The following KDELR2 variants were observed in gnomAD, a reference collection of about 807,000 sequenced individuals.
The protein encoded by KDELR2 is KDEL endoplasmic reticulum protein retention receptor 2.
A neutral mutation model predicts 23.9 loss-of-function variants in KDELR2; 15 were observed. That is an observed-to-expected ratio of 0.63 (90% CI 0.42 to 0.97). The LOEUF is 0.97. Among genes scored for constraint, KDELR2 ranks in the 50% least tolerant of loss-of-function variants. The pLI is 0.00. For synonymous variants in KDELR2, 119 were observed against 106.2 expected, an observed-to-expected ratio of 1.12 and a Z score of -0.74; for missense variants, 272 against 254.6, an observed-to-expected ratio of 1.07 and a Z score of -0.46.
At chr7:6,467,348 G>C (rs1785523660) in intron 3 of KDELR2, among the ~76,000 whole-genome samples, 1 of 152,104 alleles carries the variant, frequency 6.6e-6, no homozygotes, top group African/African-American at 2.4e-5. Flanking sequence ...AAGCTTTCTG[G>C]TGTGGTTAAA....
At chr7:6,475,853 G>A (rs1785738699) in intron 1 of KDELR2, among the ~76,000 whole-genome samples, 1 of 152,204 alleles carries the variant, frequency 6.6e-6, no homozygotes. Context: ...GAATTTAACA[G>A]AAAAGTCACT....
At chr7:6,475,049 G>A (rs1196438426) in intron 1 of KDELR2, among the ~76,000 whole-genome samples, 1 of 152,196 alleles carries the variant, frequency 6.6e-6, no homozygotes, top group African/African-American at 2.4e-5. Flanking sequence ...ACCGACTCAG[G>A]TAAGAGTTGG....
intron 3 of KDELR2, among the ~76,000 whole-genome samples, chr7:6,468,785 T>C (rs1785559875): frequency 6.6e-6 from 1 of 151,938 alleles, no homozygotes; most frequent in South Asian, 2.1e-4. Flanking sequence ...ATTACAGGCG[T>C]GAGCCACTGC....
At chr7:6,463,825 C>T (rs1388203617) in intron 4 of KDELR2, among the ~76,000 whole-genome samples, 1 of 151,024 alleles carries the variant, frequency 6.6e-6, no homozygotes, top group African/African-American at 2.4e-5. Context: ...CTGTGGGAGG[C>T]AGAGGTGGGC....
rs541365200 is a variant in KDELR2 at position 6,470,627 on chromosome 7, G to A, written c.193-873C>T. ...CCACAATAAACAATGTAGTACAAAA[G>A]CACTCAGTGAGCCTGCTATATTTGT... On this transcript the variant is annotated intron_variant, in intron 2 of 4. Transcript: ENST00000258739. Among the ~76,000 whole-genome samples the A allele has an allele frequency of 1.8e-4, 28 of 152,216 alleles. 1 individual carries two copies. The highest frequency in any genetic ancestry group is 1.7e-3 in the Admixed American group (26 of 15,284).
intron 2 of KDELR2, 114 bp from the exon 3 acceptor site, chr7:6,469,868 G>GT: frequency 1.1e-6 from 1 of 912,298 alleles, no homozygotes; most frequent in Non-Finnish European, 1.6e-6. Context: ...CCTTAGCTTT[G>GT]TTTTTGGAAT....
In KDELR2 at chr7:6,466,305, T is replaced by C; in HGVS notation, c.370A>G (p.Ile124Val). The change falls in exon 4 of 5, where the codon ATC (isoleucine) becomes GTC (valine). Residue 124 changes from isoleucine (I) to valine (V), a missense_variant. By Grantham distance (29) the Ile-to-Val change is conservative. Transcript: ENST00000258739. ...AGGATAGCCACGGACTCCAGGTAGA[T>C]GGAGAAGGTCCAGAGGATCTGGAAG... ...SPLEILWTFSIYLESVAILPQ... is the reference protein window; with the variant it reads ...SPLEILWTFSVYLESVAILPQ... 1 of 1,613,800 alleles carries C rather than the reference T, an allele frequency of 6.2e-7. No individual in the cohort carries two copies. The highest frequency in any genetic ancestry group is 8.5e-7 in the Non-Finnish European group (1 of 1,179,984).
intron 3 of KDELR2, among the ~76,000 whole-genome samples, chr7:6,467,188 C>T (rs890917608): frequency 3.3e-5 from 5 of 152,174 alleles, no homozygotes; most frequent in African/African-American, 1.2e-4. Flanking sequence ...TGTCCTGCTC[C>T]AGATCTGGGA....
intron 4 of KDELR2, among the ~76,000 whole-genome samples, chr7:6,464,390 G>T (rs1221982024): frequency 6.6e-6 from 1 of 151,616 alleles, no homozygotes; most frequent in Non-Finnish European, 1.5e-5. Flanking sequence ...GTGGTGGTGC[G>T]CACCTGTAAT....
chr7:6,480,781 T>C (rs1238974930), intron 1 of KDELR2, among the ~76,000 whole-genome samples: 1 of 152,220 alleles, frequency 6.6e-6, no homozygotes, highest in Non-Finnish European at 1.5e-5. Flanking sequence ...TTCAAAAGAC[T>C]CTAAACAACT....
At chr7:6,478,939 C>T (rs542505517) in intron 1 of KDELR2, among the ~76,000 whole-genome samples, 1 of 152,120 alleles carries the variant, frequency 6.6e-6, no homozygotes, top group South Asian at 2.1e-4. Flanking sequence ...CAGGTGCCTG[C>T]CACCACGCCC....
At chr7:6,464,502 G>C (rs1402791227) in intron 4 of KDELR2, among the ~76,000 whole-genome samples, 1 of 152,010 alleles carries the variant, frequency 6.6e-6, no homozygotes, top group African/African-American at 2.4e-5. Flanking sequence ...CTGTGTGACA[G>C]AGCAAGACTC....
rs1379292835 is a variant in KDELR2, at chr7:6,474,282, T to C, written c.94A>G (p.Ile32Val). Residue 32 changes from isoleucine (I) to valine (V), a missense_variant and splice_region_variant, in exon 2 of 5, where the codon ATT becomes GTT. Ile to Val is a conservative substitution (Grantham distance 29). Coordinates refer to ENST00000258739, the MANE Select transcript of KDELR2 (RefSeq NM_006854.4). ...AACAGAAGCTGGCTTTTCCCAGAAA[T>C]ACCTAGAGAAACAGAAGGGAAGTAT... ...KIWKTRSCAG[I>V]SGKSQLLFAL... 1.9e-6 allele frequency: 3 copies of C among 1,607,022 alleles called. No individual in the cohort carries two copies. Among genetic ancestry groups the C allele is most frequent in the Non-Finnish European group, 2.6e-6 (3 of 1,173,756 alleles).
At position 6,483,853 on chromosome 7, in the gene KDELR2, G is replaced by C. The variant is rs1207801004; in HGVS notation, c.91+114C>G. ...GGGCACCCGTTAGGCCGGCCGAGGG[G>C]GTGTGTCGGGCCGGCGCAGGCCCCG... On this transcript the variant is annotated intron_variant, in intron 1 of 4. Transcript: ENST00000258739. 3.8e-6 allele frequency: 3 copies of C among 798,948 alleles called. No individual in the cohort carries two copies. In the East Asian group the frequency reaches 1.2e-4, roughly 32 times the overall value. 49.5% of individuals were successfully genotyped at this position (798,948 alleles called of 1,614,324 possible). A position where few individuals can be genotyped will look rare whatever the true frequency, so the allele number is the denominator to read the frequency against.
At chr7:6,471,399 C>T (rs1000317508) in intron 2 of KDELR2, among the ~76,000 whole-genome samples, 4 of 151,908 alleles carry the variant, frequency 2.6e-5, no homozygotes, top group Non-Finnish European at 5.9e-5. Context: ...AGGCTGGTCT[C>T]GAACTCTTGA....
In KDELR2 at chr7:6,462,967, T is replaced by C; in HGVS notation, c.*174A>G. 2 of 1,612,316 alleles carry C rather than the reference T, an allele frequency of 1.2e-6. No individual in the cohort carries two copies. Among genetic ancestry groups the C allele is most frequent in the Non-Finnish European group, 1.7e-6 (2 of 1,179,356 alleles). ...TAAAAAAAGATAAGGCAAGATGCAT[T>C]AAACAGAAACCTTCTGGCTCTTTTC... is the stretch of plus-strand genomic sequence containing the variant. On this transcript the variant is annotated 3_prime_UTR_variant, in exon 5 of 5. Coordinates refer to ENST00000258739, the MANE Select transcript of KDELR2 (RefSeq NM_006854.4).
At chr7:6,481,714 C>T (rs1046541125) in intron 1 of KDELR2, among the ~76,000 whole-genome samples, 1 of 151,902 alleles carries the variant, frequency 6.6e-6, no homozygotes, top group African/African-American at 2.4e-5. Flanking sequence ...AGTGAGACAT[C>T]GGTCCCACTG....
intron 3 of KDELR2, 125 bp downstream of exon 3, chr7:6,469,470 TG>T: frequency 1.3e-6 from 1 of 793,520 alleles, no homozygotes; most frequent in Non-Finnish European, 2.0e-6. Flanking sequence ...TTGGCCAGGC[TG>T]GTCTCGAACT....
In KDELR2 at chr7:6,469,525, C is replaced by T. The variant is rs565654894; in HGVS notation, c.351+71G>A. On this transcript the variant is annotated intron_variant, in intron 3 of 4. Transcript: ENST00000258739. ...CCAAAGTGGAGGCTGAACTCCGCCT[C>T]GGCCTCCCAAAATGCTGGGATTACA... 9.8e-5 allele frequency: 143 copies of T among 1,464,354 alleles called. 1 individual carries two copies. The highest frequency in any genetic ancestry group is 3.6e-4 in the South Asian group (29 of 79,884). The allele number at this position is 1,464,354 out of a possible 1,614,324, so 90.7% of individuals were successfully genotyped here.
Sources: allele counts gnomAD v4.1 joint callset (sites outside exome capture counted in the v4.1 genomes callset), GRCh38; gene constraint gnomAD v4.1.1; transcripts MANE v1.5; gene names NCBI Gene and HGNC (gene_info 2026-07-23, HGNC 2026-07-21).